Variants in OSBPL11 observed in about 807,000 individuals in gnomAD.
OSBPL11 encodes the protein oxysterol-binding protein-related protein 11.
In OSBPL11, 33 loss-of-function variants were observed where a neutral mutation model predicts 84.4. That is an observed-to-expected ratio of 0.39 (90% CI 0.30 to 0.52). OSBPL11 has a LOEUF of 0.52. Ranked by LOEUF, OSBPL11 falls within the 20% of genes least tolerant of loss-of-function variation. The pLI, the probability that OSBPL11 is intolerant of heterozygous loss-of-function variation, is 0.72. For missense variants in OSBPL11, 736 were observed against 901.1 expected, an observed-to-expected ratio of 0.82 and a Z score of 2.35; for synonymous variants, 276 against 310.2, an observed-to-expected ratio of 0.89 and a Z score of 1.16.
chr3:125,560,331 T>C (rs1239017685), intron 8 of OSBPL11, 48 bp downstream of exon 8: 2 of 1,345,300 alleles, frequency 1.5e-6, no homozygotes, highest in Non-Finnish European at 1.9e-6. Context: ...GAACAATTAC[T>C]GGTACAGCCC....
chr3:125,538,757 A>G, intron 10 of OSBPL11, 124 bp from the exon 11 acceptor site: 1 of 700,260 alleles, frequency 1.4e-6, no homozygotes, highest in South Asian at 2.6e-5. Flanking sequence ...TCACTTCAAT[A>G]TGTCAGTGCC....
intron 1 of OSBPL11, among the ~76,000 whole-genome samples, chr3:125,584,574 C>T (rs1448777629): frequency 1.3e-5 from 2 of 152,128 alleles, no homozygotes; most frequent in Non-Finnish European, 2.9e-5. Context: ...CTACACCAAG[C>T]TTTCATTACT....
Position 125,553,842 on chromosome 3 carries a change from T to C in OSBPL11, c.1156-1163A>G, listed in dbSNP as rs1107252. 5.3e-3 allele frequency among the ~76,000 whole-genome samples: 805 copies of C among 152,350 alleles called. 6 individuals carry two copies. The highest frequency in any genetic ancestry group is 0.018 in the African/African-American group (755 of 41,584). ...GCTGGTGAATTGAACACATGCATCTTAATTTCACTTTCTGTCGAAATTCCA... is the reference window on the plus strand; with the variant it reads ...GCTGGTGAATTGAACACATGCATCTCAATTTCACTTTCTGTCGAAATTCCA... On this transcript the variant is annotated intron_variant, in intron 8 of 12. Coordinates refer to ENST00000296220, the MANE Select transcript of OSBPL11 (RefSeq NM_022776.5).
At position 125,594,763 on chromosome 3, in the gene OSBPL11, G is replaced by A. The variant is rs944709220; in HGVS notation, c.38C>T (p.Ser13Leu). Reference protein sequence around the residue: ...GGEPVSTMKVSESEGKLEGQA... With the variant: ...GGEPVSTMKVLESEGKLEGQA... ...GCCCTCCAGCTTTCCTTCGCTCTCC[G>A]AGACTTTCATTGTGGACACTGGTTC... is the stretch of plus-strand genomic sequence containing the variant. The change falls in exon 1 of 13, where the codon TCG (serine) becomes TTG (leucine). Residue 13 changes from serine to leucine, a missense_variant. Around this residue, in one of 3 missense-constraint regions of OSBPL11, gnomAD observed 114 missense variants for 104.9 expected, o/e 1.09. Coordinates refer to ENST00000296220, the MANE Select transcript of OSBPL11 (RefSeq NM_022776.5). 5 of 1,614,026 alleles carry A rather than the reference G, an allele frequency of 3.1e-6. No homozygotes were observed. Among genetic ancestry groups the A allele is most frequent in the East Asian group, 2.2e-5 (1 of 44,896 alleles).
intron 1 of OSBPL11, among the ~76,000 whole-genome samples, chr3:125,583,770 G>GCC (rs1936464660): frequency 6.6e-6 from 1 of 151,796 alleles, no homozygotes; most frequent in Admixed American, 6.6e-5. Flanking sequence ...AATAAATAAA[G>GCC]CCCACAACTA....
chr3:125,536,248 T>C (rs757201230), intron 11 of OSBPL11, among the ~76,000 whole-genome samples: 2 of 152,190 alleles, frequency 1.3e-5, no homozygotes, highest in Non-Finnish European at 2.9e-5. Flanking sequence ...ACTCGACAAC[T>C]GGTAATTTTA....
At chr3:125,549,296 T>C (rs1211282620) in intron 9 of OSBPL11, among the ~76,000 whole-genome samples, 3 of 152,222 alleles carry the variant, frequency 2.0e-5, no homozygotes, top group African/African-American at 7.2e-5. Flanking sequence ...AGTGCTGGGA[T>C]TACAGGCGTG....
rs767276876 is a variant in OSBPL11, at chr3:125,563,750, G to A, written c.962C>T (p.Pro321Leu). The stretch of plus-strand genomic sequence containing the variant: ...AGGCTGCTCTTCTGGGACTGCCACC[G>A]GCTTACTCTGATCAGTTGCAAAGGG... ...DQPFATDQSK[P>L]VAVPEEQPVA... The change falls in exon 7 of 13, where the codon CCG (proline) becomes CTG (leucine). Residue 321 changes from proline (P) to leucine (L), a missense_variant. Around this residue, in one of 3 missense-constraint regions of OSBPL11, gnomAD observed 579 missense variants for 717.6 expected, o/e 0.81. Coordinates refer to ENST00000296220, the MANE Select transcript of OSBPL11 (RefSeq NM_022776.5). 150 of 1,613,952 alleles carry A rather than the reference G, an allele frequency of 9.3e-5. No homozygotes were observed. Among genetic ancestry groups the A allele is most frequent in the Non-Finnish European group, 1.2e-4 (145 of 1,179,990 alleles).
chr3:125,534,066 A>G (rs1935601131), intron 11 of OSBPL11, among the ~76,000 whole-genome samples: 1 of 152,184 alleles, frequency 6.6e-6, no homozygotes, highest in African/African-American at 2.4e-5. Flanking sequence ...GGCTTAATAC[A>G]CATTCGTGTC....
chr3:125,537,069 A>G lies in OSBPL11; in HGVS notation c.2024+1382T>C, dbSNP rs1428162350. ...CAGCTACTCAGGAGGCTGAGGCAGG[A>G]GGATCACTTGAACCTAGGAGGTGGA... is the stretch of plus-strand genomic sequence containing the variant. On this transcript the variant is annotated intron_variant, in intron 11 of 12. Transcript: ENST00000296220. Among the ~76,000 whole-genome samples the G allele has an allele frequency of 4.0e-5, 6 of 149,106 alleles. No individual in the cohort carries two copies. The East Asian group carries it at 1.2e-3, about 31-fold the overall frequency.
chr3:125,568,044 C>T (rs554678356), intron 5 of OSBPL11, among the ~76,000 whole-genome samples: 3 of 145,602 alleles, frequency 2.1e-5, no homozygotes, highest in South Asian at 2.2e-4. Flanking sequence ...TTTAAAAGTT[C>T]GTTTGGCTAT....
intron 10 of OSBPL11, among the ~76,000 whole-genome samples, chr3:125,541,307 A>G (rs987666974): frequency 1.3e-5 from 2 of 152,220 alleles, no homozygotes; most frequent in African/African-American, 4.8e-5. Context: ...AATGCCTGAT[A>G]AACAGTAAGT....
At chr3:125,578,064 T>C (rs1176277474) in intron 4 of OSBPL11, among the ~76,000 whole-genome samples, 1 of 152,192 alleles carries the variant, frequency 6.6e-6, no homozygotes, top group African/African-American at 2.4e-5. Flanking sequence ...GTTTTCATTA[T>C]GAAAACTTGA....
chr3:125,584,428 C>G (rs190897397), intron 1 of OSBPL11, among the ~76,000 whole-genome samples: 46 of 152,214 alleles, frequency 3.0e-4, no homozygotes, highest in African/African-American at 9.9e-4. Context: ...CCAGTTGCTC[C>G]ATAATCTGAA....
rs1936658413 is a variant in OSBPL11, at chr3:125,594,958, G to A, written c.-158C>T. On this transcript the variant is annotated 5_prime_UTR_variant, in exon 1 of 13. Coordinates refer to ENST00000296220, the MANE Select transcript of OSBPL11 (RefSeq NM_022776.5). The stretch of plus-strand genomic sequence containing the variant: ...ACTGTCAAATGGTCCAGAAAAGGAA[G>A]ATACACATTCCCACAGAAGTTAAAC... The A allele has an allele frequency of 1.4e-6, 1 of 719,812 alleles. No individual in the cohort carries two copies. The highest frequency in any genetic ancestry group is 3.0e-5 in the Admixed American group (1 of 33,806). The allele number at this position is 719,812 out of a possible 1,614,324, so 44.6% of individuals were successfully genotyped here.
At chr3:125,594,504 A>C (rs1936649003) in intron 1 of OSBPL11, 133 bp downstream of exon 1, 2 of 1,075,090 alleles carry the variant, frequency 1.9e-6, no homozygotes, top group Admixed American at 2.3e-5. Flanking sequence ...TCCCAGATCC[A>C]AACGAGATGT....
chr3:125,546,158 G>GT (rs1183901077), intron 10 of OSBPL11, among the ~76,000 whole-genome samples: 2 of 143,922 alleles, frequency 1.4e-5, no homozygotes, highest in South Asian at 4.4e-4. Flanking sequence ...AGTCTATTTC[G>GT]TTTTTTTTGT....
intron 2 of OSBPL11, among the ~76,000 whole-genome samples, chr3:125,581,662 C>T (rs1936427228): frequency 7.3e-6 from 1 of 136,210 alleles, no homozygotes; most frequent in Non-Finnish European, 1.5e-5. Flanking sequence ...CACCACTACA[C>T]TGCAGCCTAG....
At chr3:125,542,362 T>C (rs533999126) in intron 10 of OSBPL11, among the ~76,000 whole-genome samples, 84 of 152,080 alleles carry the variant, frequency 5.5e-4, no homozygotes, top group African/African-American at 2.0e-3. Flanking sequence ...GCAGTTCCGT[T>C]CTTGTGGAGT....
Sources: allele counts gnomAD v4.1 joint callset (sites outside exome capture counted in the v4.1 genomes callset), GRCh38; gene constraint gnomAD v4.1.1; regional missense constraint gnomAD v4.1.1; transcripts MANE v1.5; gene names NCBI Gene and HGNC (gene_info 2026-07-23, HGNC 2026-07-21).